ZNF669: variants seen among roughly 807,000 people sequenced by gnomAD.
ZNF669 encodes the protein zinc finger protein 669.
A neutral mutation model predicts 11.4 loss-of-function variants in ZNF669; 7 were observed. The ratio of observed to expected loss-of-function variants is 0.62; its 90% CI spans 0.35 to 1.16. The LOEUF (loss-of-function observed/expected upper bound fraction) is 1.16, where lower values mean the gene tolerates loss of function less well. Among genes scored for constraint, ZNF669 ranks in the 50% most tolerant of loss-of-function variants. ZNF669 has a pLI of 0.02. For synonymous variants in ZNF669, 153 were observed against 155.8 expected (o/e 0.98, Z 0.13); for missense variants, 492 against 463.6 (o/e 1.06, Z -0.56).
Position 247,101,028 on chromosome 1 carries a change from A to T in ZNF669, c.483T>A (p.Asn161Lys). ...CACATATCGTACATTTATAAGCTGG[A>T]TTTCCACTGTGCATTATCATGTGTC... ...VRRHMIMHSGNPAYKCTICGK... is the reference protein window; with the variant it reads ...VRRHMIMHSGKPAYKCTICGK... The change falls in exon 4 of 4, where the codon AAT becomes AAA. Residue 161 changes from asparagine to lysine, a missense_variant. Asn to Lys is a moderately conservative substitution (Grantham distance 94). Coordinates refer to ENST00000448299, the MANE Select transcript of ZNF669 (RefSeq NM_001142572.2). The T allele has an allele frequency of 6.2e-7, 1 of 1,613,862 alleles. No homozygotes were observed. Among genetic ancestry groups the T allele is most frequent in the Non-Finnish European group, 8.5e-7 (1 of 1,180,018 alleles).
rs1426271358 is a variant in ZNF669, at chr1:247,104,346, G to A, written c.-147C>T. On this transcript the variant is annotated 5_prime_UTR_variant, in exon 1 of 4. Transcript: ENST00000448299. Reference sequence around the variant, plus strand: ...ACTAACAGGAAGAGCCGGCTCCGGCGAAGGAGAGACAAAGCAACCGCCAGG... The same window carrying A: ...ACTAACAGGAAGAGCCGGCTCCGGCAAAGGAGAGACAAAGCAACCGCCAGG... 8.4e-6 allele frequency: 10 copies of A among 1,187,322 alleles called. No individual in the cohort carries two copies. The highest frequency in any genetic ancestry group is 3.6e-5 in the Admixed American group (1 of 27,542). 73.5% of individuals were successfully genotyped at this position (1,187,322 alleles called of 1,614,324 possible). A position where few individuals can be genotyped will look rare whatever the true frequency, so the allele number is the denominator to read the frequency against.
In ZNF669 at chr1:247,101,272, T is replaced by C. The variant is rs762132641; in HGVS notation, c.239A>G (p.Tyr80Cys). ...TGGAATTTGGCTGACAACTTCTCCA[T>C]ACTGACCATCTTCTTTACTTTCACA... ...RLCESKEDGQ[Y>C]GEVVSQIPNL... The change falls in exon 4 of 4, where the codon TAT becomes TGT. Residue 80 changes from tyrosine (Y) to cysteine (C), a missense_variant. Physicochemically the swap from Tyr to Cys is radical, Grantham distance 194. Transcript: ENST00000448299. The C allele has an allele frequency of 2.5e-6, 4 of 1,609,248 alleles. No individual in the cohort carries two copies. The highest frequency in any genetic ancestry group is 2.5e-6 in the Non-Finnish European group (3 of 1,177,650).
At position 247,100,361 on chromosome 1, in the gene ZNF669, T is replaced by C. The variant is rs780054876; in HGVS notation, c.*13A>G. The C allele has an allele frequency of 7.5e-6, 11 of 1,473,264 alleles. No homozygotes were observed. The highest frequency in any genetic ancestry group is 2.3e-5 in the East Asian group (1 of 44,210). The allele number at this position is 1,473,264 out of a possible 1,614,324, so 91.3% of individuals were successfully genotyped here. A position where few individuals can be genotyped will look rare whatever the true frequency, so the allele number is the denominator to read the frequency against. On this transcript the variant is annotated 3_prime_UTR_variant, in exon 4 of 4. Transcript: ENST00000448299. ...ACATTGTTTTAATCCAGGCTGGTTATGAACTCCTGGGCTCAAGCAATCCAC... is the reference window on the plus strand; with the variant it reads ...ACATTGTTTTAATCCAGGCTGGTTACGAACTCCTGGGCTCAAGCAATCCAC...
At chr1:247,103,213 T>A (rs774967710) in intron 1 of ZNF669, among the ~76,000 whole-genome samples, 4 of 152,164 alleles carry the variant, frequency 2.6e-5, no homozygotes, top group Non-Finnish European at 5.9e-5. Context: ...CAGGGGGACA[T>A]CAACCTAAAG....
chr1:247,101,313 A>C lies in ZNF669; in HGVS notation c.198T>G (p.His66Gln), dbSNP rs201042008. The change falls in exon 4 of 4, where the codon CAT becomes CAG. Residue 66 changes from histidine (H) to glutamine (Q), a missense_variant. By Grantham distance (24) the His-to-Gln change is conservative. Transcript: ENST00000448299. ...FEKPGKDIRN[H>Q]IVQRLCESKE... The stretch of plus-strand genomic sequence containing the variant: ...TACTTTCACACAGTCTCTGTACGAT[A>C]TGATTTCTGTAAAAAAATGACAAGC... The C allele has an allele frequency of 6.5e-5, 100 of 1,550,038 alleles. No homozygotes were observed. In the Middle Eastern group the frequency reaches 8.6e-4, roughly 13 times the overall value.
chr1:247,100,429 C>T lies in ZNF669; in HGVS notation c.1082G>A (p.Ser361Asn). 1 of 1,614,000 alleles carries T rather than the reference C, an allele frequency of 6.2e-7. No individual in the cohort carries two copies. Among genetic ancestry groups the T allele is most frequent in the Non-Finnish European group, 8.5e-7 (1 of 1,179,868 alleles). Residue 361 changes from serine to asparagine, a missense_variant, in exon 4 of 4, where the codon AGT (serine) becomes AAT (asparagine). Ser to Asn is a conservative substitution (Grantham distance 46, BLOSUM62 1). Coordinates refer to ENST00000448299, the MANE Select transcript of ZNF669 (RefSeq NM_001142572.2). ...AGTGCTGGGATTATAGGCTGAGTCA[C>T]TACACCCAGCCTCTATATCATGACT... Reference protein sequence around the residue: ...ERSHDIEAGCSDSAYNPSTLG... With the variant: ...ERSHDIEAGCNDSAYNPSTLG...
intron 3 of ZNF669, 21 bp from the exon 4 acceptor site, chr1:247,101,340 CATT>C: frequency 3.3e-6 from 5 of 1,529,190 alleles, no homozygotes; most frequent in Non-Finnish European, 4.4e-6. Context: ...ATGACAAGCA[CATT>C]ATTATTGGTT....
Position 247,100,383 on chromosome 1 carries a change from C to T in ZNF669, c.1128G>A (p.Trp376Ter). ...TTATGAACTCCTGGGCTCAAGCAAT[C>T]CACACGCCTTGGCCTCCCAAAGTGC... ...NPSTLGGQGV[W>*]IA Residue 376 changes from tryptophan (W) to a stop codon, truncating the protein, a stop_gained, in exon 4 of 4, where the codon TGG becomes TGA. Coordinates refer to ENST00000448299, the MANE Select transcript of ZNF669 (RefSeq NM_001142572.2). LOFTEE classifies it high-confidence loss of function. The T allele has an allele frequency of 6.3e-7, 1 of 1,591,466 alleles. No individual in the cohort carries two copies. The highest frequency in any genetic ancestry group is 8.6e-7 in the Non-Finnish European group (1 of 1,163,986).
Position 247,100,692 on chromosome 1 carries a change from C to T in ZNF669, c.819G>A (p.Glu273=). ...LRYHGSIHTG[E]RPYECKQCGK... The stretch of plus-strand genomic sequence containing the variant: ...CACATTGTTTACACTCATAGGGTCT[C>T]TCTCCAGTATGAATGCTTCCATGGT... The change falls in exon 4 of 4, where the codon GAG becomes GAA. Residue 273 remains glutamate, a synonymous_variant. Transcript: ENST00000448299. 6.2e-7 allele frequency: 1 copy of T among 1,614,146 alleles called. No individual in the cohort carries two copies. The highest frequency in any genetic ancestry group is 1.1e-5 in the South Asian group (1 of 91,080).
chr1:247,100,506 C>T lies in ZNF669; in HGVS notation c.1005G>A (p.Lys335=). Residue 335 remains lysine, a synonymous_variant, in exon 4 of 4, where the codon AAG becomes AAA. Coordinates refer to ENST00000448299, the MANE Select transcript of ZNF669 (RefSeq NM_001142572.2). The part of the protein sequence containing the change: ...IHTGEKPYEC[K]KCGKAYTRSS... ...AACGAGTGTAGGCTTTACCGCATTT[C>T]TTACATTCATAGGGTTTTTCTCCAG... The T allele has an allele frequency of 1.2e-6, 2 of 1,614,200 alleles. No individual in the cohort carries two copies. The highest frequency in any genetic ancestry group is 1.1e-5 in the South Asian group (1 of 91,082).
chr1:247,103,451 T>G (rs947011482), intron 1 of ZNF669, among the ~76,000 whole-genome samples: 5 of 151,962 alleles, frequency 3.3e-5, no homozygotes, highest in African/African-American at 1.2e-4. Flanking sequence ...CTAGCCAACA[T>G]GGCGAAACCC....
Position 247,100,869 on chromosome 1 carries a change from G to T in ZNF669, c.642C>A (p.His214Gln), listed in dbSNP as rs1176162152. 2 of 1,614,158 alleles carry T rather than the reference G, an allele frequency of 1.2e-6. No individual in the cohort carries two copies. Among genetic ancestry groups the T allele is most frequent in the South Asian group, 2.2e-5 (2 of 91,080 alleles). Residue 214 changes from histidine (H) to glutamine (Q), a missense_variant, in exon 4 of 4, where the codon CAC (histidine) becomes CAA (glutamine). By Grantham distance (24) the His-to-Gln change is conservative. Coordinates refer to ENST00000448299, the MANE Select transcript of ZNF669 (RefSeq NM_001142572.2). The part of the protein sequence containing the change: ...SGSCLIHERT[H>Q]TGEKPYECKE... ...TACATTCGTAGGGTTTCTCTCCAGT[G>T]TGAGTTCGTTCATGTATTAGACAAG...
chr1:247,100,427 C>T lies in ZNF669; in HGVS notation c.1084G>A (p.Asp362Asn). The T allele has an allele frequency of 1.9e-6, 3 of 1,613,872 alleles. No homozygotes were observed. The highest frequency in any genetic ancestry group is 1.1e-5 in the South Asian group (1 of 91,022). ...AAAGTGCTGGGATTATAGGCTGAGT[C>T]ACTACACCCAGCCTCTATATCATGA... The part of the protein sequence containing the change: ...RSHDIEAGCS[D>N]SAYNPSTLGG... The change falls in exon 4 of 4, where the codon GAC (aspartate) becomes AAC (asparagine). Residue 362 changes from aspartate (D) to asparagine (N), a missense_variant. Transcript: ENST00000448299.
At position 247,100,863 on chromosome 1, in the gene ZNF669, T is replaced by C. The variant is rs770905640; in HGVS notation, c.648A>G (p.Gly216=). The stretch of plus-strand genomic sequence containing the variant: ...ATTCCTTACATTCGTAGGGTTTCTC[T>C]CCAGTGTGAGTTCGTTCATGTATTA... ...SCLIHERTHT[G]EKPYECKECG... Residue 216 remains glycine, a synonymous_variant, in exon 4 of 4, where the codon GGA becomes GGG. Transcript: ENST00000448299. The C allele has an allele frequency of 2.5e-6, 4 of 1,614,202 alleles. No homozygotes were observed. Among genetic ancestry groups the C allele is most frequent in the Non-Finnish European group, 2.5e-6 (3 of 1,180,048 alleles).
Position 247,100,525 on chromosome 1 carries a change from T to C in ZNF669, c.986A>G (p.Glu329Gly). The change falls in exon 4 of 4, where the codon GAA becomes GGA. Residue 329 changes from glutamate (E) to glycine (G), a missense_variant. By Grantham distance (98) the Glu-to-Gly change is moderately conservative (BLOSUM62 -2). Coordinates refer to ENST00000448299, the MANE Select transcript of ZNF669 (RefSeq NM_001142572.2). Reference sequence around the variant, plus strand: ...GCATTTCTTACATTCATAGGGTTTTTCTCCAGTATGAATTCTTTCGTGGAG... The same window carrying C: ...GCATTTCTTACATTCATAGGGTTTTCCTCCAGTATGAATTCTTTCGTGGAG... ...LHLHERIHTG[E>G]KPYECKKCGK... The C allele has an allele frequency of 6.2e-7, 1 of 1,614,258 alleles. No homozygotes were observed. Among genetic ancestry groups the C allele is most frequent in the Non-Finnish European group, 8.5e-7 (1 of 1,180,048 alleles).
chr1:247,100,726 G>C lies in ZNF669; in HGVS notation c.785C>G (p.Ser262Cys). Residue 262 changes from serine (S) to cysteine (C), a missense_variant, in exon 4 of 4, where the codon TCC becomes TGC. Transcript: ENST00000448299. ...ATGAATGCTTCCATGGTAACGAAGG[G>C]AAGTGGAACAGCTGAAGGCTTTATC... ...KCDKAFSCST[S>C]LRYHGSIHTG... is the part of the protein sequence containing the mutation. 3 of 1,614,200 alleles carry C rather than the reference G, an allele frequency of 1.9e-6. No individual in the cohort carries two copies. The highest frequency in any genetic ancestry group is 2.5e-6 in the Non-Finnish European group (3 of 1,180,042).
intron 3 of ZNF669, 75 bp downstream of exon 3, chr1:247,101,652 TTTGA>T: frequency 1.5e-6 from 2 of 1,351,210 alleles, no homozygotes; most frequent in Non-Finnish European, 2.0e-6. Context: ...TCTTATTTGT[TTTGA>T]TTGCTTGTTT....
In ZNF669 at chr1:247,100,259, C is replaced by A. The variant is rs878928214; in HGVS notation, c.*115G>T. 2 of 691,376 alleles carry A rather than the reference C, an allele frequency of 2.9e-6. No homozygotes were observed. The highest frequency in any genetic ancestry group is 1.8e-5 in the African/African-American group (1 of 55,446). 42.8% of individuals were successfully genotyped at this position (691,376 alleles called of 1,614,324 possible). ...TCGGCCTCCCAAAGTGCTGGGATTA[C>A]AGGCGTAAGCCACCGTGCCCGGCAT... On this transcript the variant is annotated 3_prime_UTR_variant, in exon 4 of 4. Coordinates refer to ENST00000448299, the MANE Select transcript of ZNF669 (RefSeq NM_001142572.2).
At position 247,101,212 on chromosome 1, in the gene ZNF669, A is replaced by G; in HGVS notation, c.299T>C (p.Leu100Ser). The G allele has an allele frequency of 1.2e-6, 2 of 1,614,050 alleles. No individual in the cohort carries two copies. The highest frequency in any genetic ancestry group is 8.5e-7 in the Non-Finnish European group (1 of 1,180,002). ...ACAAATACTGCATTCACATGGTTTTAATCCAGTAGAAATGTTCTCGTTCAG... is the reference window on the plus strand; with the variant it reads ...ACAAATACTGCATTCACATGGTTTTGATCCAGTAGAAATGTTCTCGTTCAG... ...LDLNENISTGLKPCECSICGK... is the reference protein window; with the variant it reads ...LDLNENISTGSKPCECSICGK... The change falls in exon 4 of 4, where the codon TTA becomes TCA. Residue 100 changes from leucine to serine, a missense_variant. Coordinates refer to ENST00000448299, the MANE Select transcript of ZNF669 (RefSeq NM_001142572.2).
Sources: gnomAD v4.1 joint callset for allele counts (sites outside exome capture counted in the v4.1 genomes callset) on GRCh38, gnomAD v4.1.1 for gene constraint, MANE v1.5 for transcripts, NCBI Gene and HGNC (gene_info 2026-07-23, HGNC 2026-07-21) for gene names.